Variants in PRICKLE1 observed in about 807,000 individuals in gnomAD.
The protein encoded by PRICKLE1 is prickle-like protein 1.
A neutral mutation model predicts 70.2 loss-of-function variants in PRICKLE1; 14 were observed. That is an observed-to-expected ratio of 0.20 (90% confidence interval 0.13 to 0.31). PRICKLE1 has a LOEUF of 0.31. Ranked by LOEUF, PRICKLE1 falls within the 10% of genes least tolerant of loss-of-function variation. The probability of loss-of-function intolerance (pLI) is 1.00; values close to 1 mark genes in which losing one functional copy is unlikely to be tolerated. For synonymous variants in PRICKLE1, 357 were observed against 379.9 expected, an observed-to-expected ratio of 0.94 and a Z score of 0.70; for missense variants, 821 against 1,026.2, an observed-to-expected ratio of 0.80 and a Z score of 2.73.
intron 1 of PRICKLE1, among the ~76,000 whole-genome samples, chr12:42,551,061 C>G (rs528258012): frequency 6.6e-6 from 1 of 152,132 alleles, no homozygotes; most frequent in Non-Finnish European, 1.5e-5. Context: ...ATTGAGGAAG[C>G]CTGCTAGACT....
Position 42,460,311 on chromosome 12 carries a change from T to C in PRICKLE1, c.1994A>G (p.Glu665Gly). Residue 665 changes from glutamate (E) to glycine (G), a missense_variant, in exon 8 of 8, where the codon GAG becomes GGG. Coordinates refer to ENST00000345127, the MANE Select transcript of PRICKLE1 (RefSeq NM_153026.3). Reference sequence around the variant, plus strand: ...GTGGTGATGAGACCTGGATCCCCTCTCTTCAAAATTGTAGACGCGTCTCCG... The same window carrying C: ...GTGGTGATGAGACCTGGATCCCCTCCCTTCAAAATTGTAGACGCGTCTCCG... ...RTRRRVYNFE[E>G]RGSRSHHHRR... is the part of the protein sequence containing the mutation. 2 of 1,614,146 alleles carry C rather than the reference T, an allele frequency of 1.2e-6. No homozygotes were observed. Among genetic ancestry groups the C allele is most frequent in the Non-Finnish European group, 1.7e-6 (2 of 1,180,030 alleles).
chr12:42,526,569 G>A (rs887988680), intron 1 of PRICKLE1, among the ~76,000 whole-genome samples: 2 of 152,166 alleles, frequency 1.3e-5, no homozygotes, highest in South Asian at 2.1e-4. Context: ...GTGGCTGAGA[G>A]TGCACATGGG....
Position 42,506,817 on chromosome 12 carries a change from C to T in PRICKLE1, c.-48-34253G>A, listed in dbSNP as rs931250465. Among the ~76,000 whole-genome samples, 5 of 151,904 alleles carry T rather than the reference C, an allele frequency of 3.3e-5. No individual in the cohort carries two copies. In the East Asian group the frequency reaches 7.7e-4, roughly 23 times the overall value. ...TGAACTTCTGACCTTGTGATCTACC[C>T]GCCTCGACCTCCTAAAGTGTTGGGA... On this transcript the variant is annotated intron_variant, in intron 1 of 7. Coordinates refer to ENST00000345127, the MANE Select transcript of PRICKLE1 (RefSeq NM_153026.3).
chr12:42,459,333 C>G lies in PRICKLE1; in HGVS notation c.*476G>C. ...GCCAAAGAGGGTTCGAGGGGACAAG[C>G]TGGCCTCACAATAAGATGCACAGTG... On this transcript the variant is annotated 3_prime_UTR_variant, in exon 8 of 8. Coordinates refer to ENST00000345127, the MANE Select transcript of PRICKLE1 (RefSeq NM_153026.3). The G allele has an allele frequency of 5.7e-6, 4 of 702,256 alleles. No individual in the cohort carries two copies. The highest frequency in any genetic ancestry group is 1.0e-5 in the Non-Finnish European group (4 of 384,952). The allele number at this position is 702,256 out of a possible 1,614,324, so 43.5% of individuals were successfully genotyped here.
Position 42,459,656 on chromosome 12 carries a change from T to G in PRICKLE1, c.*153A>C. 1 of 901,116 alleles carries G rather than the reference T, an allele frequency of 1.1e-6. No homozygotes were observed. Among genetic ancestry groups the G allele is most frequent in the Non-Finnish European group, 1.8e-6 (1 of 569,022 alleles). The allele number at this position is 901,116 out of a possible 1,614,324, so 55.8% of individuals were successfully genotyped here. On this transcript the variant is annotated 3_prime_UTR_variant, in exon 8 of 8. Coordinates refer to ENST00000345127, the MANE Select transcript of PRICKLE1 (RefSeq NM_153026.3). ...TTGGAGAAATCACACCTTTCAAATG[T>G]TAATCTGACACTGTAAACAGCAGTT...
chr12:42,477,480 GTGTATATATATATATATA>G (rs1256837235), intron 1 of PRICKLE1, among the ~76,000 whole-genome samples: 1,172 of 68,994 alleles, frequency 0.017, 15 homozygotes, highest in South Asian at 0.033. Context: ...GTGTGTGTGT[GTGTATATATATATATATA>G]TATATATATA....
At chr12:42,487,968 C>A (rs1279432961) in intron 1 of PRICKLE1, among the ~76,000 whole-genome samples, 1 of 152,176 alleles carries the variant, frequency 6.6e-6, no homozygotes, top group Non-Finnish European at 1.5e-5. Flanking sequence ...ATTGCTTGAA[C>A]CCAGGAGGCA....
chr12:42,484,626 C>T (rs1938937939), intron 1 of PRICKLE1, among the ~76,000 whole-genome samples: 1 of 152,186 alleles, frequency 6.6e-6, no homozygotes. Flanking sequence ...GATGTACTAA[C>T]TCAAGTACAC....
chr12:42,572,607 G>C (rs1413768178), intron 1 of PRICKLE1, among the ~76,000 whole-genome samples: 1 of 152,042 alleles, frequency 6.6e-6, no homozygotes, highest in Non-Finnish European at 1.5e-5. Context: ...AGGGTCATTT[G>C]AGTCTAGGAG....
rs1941039719 is a variant in PRICKLE1, at chr12:42,589,365, G to C, written c.-49+100C>G. The C allele has an allele frequency of 6.6e-6, 1 of 152,302 alleles. No homozygotes were observed. The allele number at this position is 152,302 out of a possible 1,614,324, so 9.4% of individuals were successfully genotyped here. A position where few individuals can be genotyped will look rare whatever the true frequency, so the allele number is the denominator to read the frequency against. Reference sequence around the variant, plus strand: ...TCTGGGTGTCACAGACTCCGGCGGTGCCAGCGAAGGTGCCCGGCCCTACCC... The same window carrying C: ...TCTGGGTGTCACAGACTCCGGCGGTCCCAGCGAAGGTGCCCGGCCCTACCC... On this transcript the variant is annotated intron_variant, in intron 1 of 7. Coordinates refer to ENST00000345127, the MANE Select transcript of PRICKLE1 (RefSeq NM_153026.3). This position sits in a 1 kb window ranked among gnomAD's most constrained non-coding sequence, Gnocchi z 5.0.
intron 1 of PRICKLE1, among the ~76,000 whole-genome samples, chr12:42,562,263 T>C (rs970882977): frequency 5.9e-5 from 9 of 152,206 alleles, no homozygotes; most frequent in Non-Finnish European, 1.3e-4. Flanking sequence ...GTTTGTGCAG[T>C]AGAAAATTAA....
intron 1 of PRICKLE1, among the ~76,000 whole-genome samples, chr12:42,507,507 C>G (rs1939441076): frequency 1.3e-5 from 2 of 152,240 alleles, no homozygotes. Flanking sequence ...TTGCTCCTCT[C>G]TGTTGTAACA....
intron 1 of PRICKLE1, among the ~76,000 whole-genome samples, chr12:42,503,372 A>G (rs886681568): frequency 2.0e-5 from 3 of 152,202 alleles, no homozygotes; most frequent in Admixed American, 6.6e-5. Context: ...GAGCATGTCC[A>G]GACTTCCCGC....
chr12:42,465,679 G>A (rs770581165), intron 6 of PRICKLE1: 6 of 267,524 alleles, frequency 2.2e-5, no homozygotes, highest in Non-Finnish European at 4.3e-5. Flanking sequence ...CAAGTGTAAT[G>A]CTGATAATGC....
chr12:42,500,550 G>A (rs1939288279), intron 1 of PRICKLE1, among the ~76,000 whole-genome samples: 1 of 152,048 alleles, frequency 6.6e-6, no homozygotes, highest in Non-Finnish European at 1.5e-5. Flanking sequence ...TCTACTGAAC[G>A]TATCTCACAT....
At chr12:42,576,439 T>C (rs2120775964) in intron 1 of PRICKLE1, among the ~76,000 whole-genome samples, 1 of 152,314 alleles carries the variant, frequency 6.6e-6, no homozygotes, top group Admixed American at 6.5e-5. Context: ...TATTCGACTT[T>C]ATTTCTGTTC....
chr12:42,504,960 T>TGAA (rs140954750), intron 1 of PRICKLE1, among the ~76,000 whole-genome samples: 11,910 of 151,964 alleles, frequency 0.078, 511 homozygotes, highest in Middle Eastern at 0.13. Context: ...ACCAACATGA[T>TGAA]GAAACCCGGT....
chr12:42,530,564 C>T (rs1419165039), intron 1 of PRICKLE1, among the ~76,000 whole-genome samples: 1 of 151,720 alleles, frequency 6.6e-6, no homozygotes, highest in Non-Finnish European at 1.5e-5. Context: ...TCTATGAATC[C>T]CAAAGACATT....
chr12:42,480,778 A>C lies in PRICKLE1; in HGVS notation c.-48-8214T>G, dbSNP rs182766608. 2.5e-3 allele frequency among the ~76,000 whole-genome samples: 379 copies of C among 152,338 alleles called. 2 individuals are homozygous for C. The highest frequency in any genetic ancestry group is 4.0e-3 in the Non-Finnish European group (270 of 68,022). On this transcript the variant is annotated intron_variant, in intron 1 of 7. Coordinates refer to ENST00000345127, the MANE Select transcript of PRICKLE1 (RefSeq NM_153026.3). ...TGCTAGAAGACAGATTCTTCCAAAG[A>C]AGCAACAACAGATGGCAATGGTGTC...
Sources: allele counts gnomAD v4.1 joint callset (sites outside exome capture counted in the v4.1 genomes callset), GRCh38; gene constraint gnomAD v4.1.1; non-coding constraint Gnocchi (gnomAD v3.1); transcripts MANE v1.5; gene names NCBI Gene and HGNC (gene_info 2026-07-23, HGNC 2026-07-21).